Variants in FRMPD4 observed in about 807,000 individuals in gnomAD.
The protein encoded by FRMPD4 is FERM and PDZ domain-containing protein 4.
A neutral mutation model predicts 94.1 loss-of-function variants in FRMPD4; 22 were observed. The observed-to-expected ratio is 0.23, with a 90% CI of 0.17 to 0.33. FRMPD4 has a LOEUF of 0.33. FRMPD4 is among the 10% of genes least tolerant of loss of function. The pLI is 1.00. For missense variants in FRMPD4, 1,111 were observed against 1,339.9 expected (o/e 0.83, Z 2.67); for synonymous variants, 631 against 548.6 (o/e 1.15, Z -2.10).
At chrX:12,695,877 C>G (rs1404653976) in intron 9 of FRMPD4, among the ~76,000 whole-genome samples, 1 of 111,448 alleles carries the variant, frequency 9.0e-6, no homozygotes, top group South Asian at 3.8e-4. Context: ...GCTGGGATTA[C>G]AGGCATGCAC....
At chrX:12,197,993 A>G (rs1188774071) in intron 1 of FRMPD4, among the ~76,000 whole-genome samples, 2 of 112,110 alleles carry the variant, frequency 1.8e-5, no homozygotes, top group African/African-American at 6.5e-5. Flanking sequence ...ATCTAAATCA[A>G]TTACTCAGCA....
At chrX:12,362,703 T>A (rs1271932330) in intron 1 of FRMPD4, among the ~76,000 whole-genome samples, 3 of 111,868 alleles carry the variant, frequency 2.7e-5, no homozygotes, top group Admixed American at 1.9e-4. Flanking sequence ...TGATTTATAA[T>A]CCTTTGGGTA....
At chrX:12,227,824 GGAGAGAGAGA>G (rs750580451) in intron 1 of FRMPD4, among the ~76,000 whole-genome samples, 12 of 94,560 alleles carry the variant, frequency 1.3e-4, no homozygotes, top group East Asian at 3.4e-4. Context: ...AGAAAGAGAG[GGAGAGAGAGA>G]GAGAGAGAGA....
intron 4 of FRMPD4, among the ~76,000 whole-genome samples, chrX:12,643,911 C>G (rs2059522905): frequency 8.9e-6 from 1 of 112,253 alleles, no homozygotes. Flanking sequence ...ACCACCAACA[C>G]TAAATTTTTT....
intron 3 of FRMPD4, among the ~76,000 whole-genome samples, chrX:11,931,118 A>C (rs2054120314): frequency 8.9e-6 from 1 of 111,846 alleles, no homozygotes; most frequent in Non-Finnish European, 1.9e-5. Context: ...AAAGACAGAA[A>C]TTTTGTAATC....
intron 1 of FRMPD4, among the ~76,000 whole-genome samples, chrX:12,362,437 A>G (rs780473074): frequency 1.2e-3 from 131 of 110,580 alleles, no homozygotes; most frequent in African/African-American, 3.9e-3. Flanking sequence ...ATTCCCACCT[A>G]TGAGTGAGAA....
chrX:12,359,633 C>A (rs1268364036), intron 1 of FRMPD4, among the ~76,000 whole-genome samples: 1 of 110,187 alleles, frequency 9.1e-6, no homozygotes, highest in Non-Finnish European at 1.9e-5. Context: ...CCATGCCCAG[C>A]TAATTTTTAT....
intron 4 of FRMPD4, among the ~76,000 whole-genome samples, chrX:12,671,107 G>A (rs2059837496): frequency 8.9e-6 from 1 of 112,002 alleles, no homozygotes; most frequent in South Asian, 3.7e-4. Context: ...AGAGGATGTG[G>A]AGAAATAGGA....
chrX:12,583,791 G>A (rs1191246575), intron 2 of FRMPD4, among the ~76,000 whole-genome samples: 1 of 112,534 alleles, frequency 8.9e-6, no homozygotes, highest in East Asian at 2.8e-4. Context: ...TGTGTCTTTC[G>A]CACCAGAATC....
chrX:11,915,753 A>C (rs978592932), intron 3 of FRMPD4, among the ~76,000 whole-genome samples: 1 of 111,923 alleles, frequency 8.9e-6, no homozygotes, highest in African/African-American at 3.3e-5. Context: ...TCACCTCTGG[A>C]GTCAGACTGA....
At chrX:12,633,501 C>T in intron 4 of FRMPD4, among the ~76,000 whole-genome samples, 1 of 111,555 alleles carries the variant, frequency 9.0e-6, no homozygotes, top group East Asian at 2.8e-4. Context: ...ATGACCTGGG[C>T]GAGGGGGAAA....
chrX:12,480,333 G>GAAAAA (rs35074731), intron 1 of FRMPD4, among the ~76,000 whole-genome samples: 13 of 54,633 alleles, frequency 2.4e-4, no homozygotes, highest in East Asian at 6.7e-4. Flanking sequence ...GAAAAGAAAT[G>GAAAAA]AAAAAAAAAA....
rs1281723877 is a variant in FRMPD4, at chrX:12,723,824, C to T, written c.*1966C>T. 9.0e-6 allele frequency: 1 copy of T among 111,388 alleles called. No individual in the cohort carries two copies. The highest frequency in any genetic ancestry group is 1.9e-5 in the Non-Finnish European group (1 of 53,087). 9.2% of individuals were successfully genotyped at this position (111,388 alleles called of 1,213,427 possible). ...AAACATCTTGATTAAAATTTTGACT[C>T]TGCCATTTTCTAGCCCTTTTATGTT... On this transcript the variant is annotated 3_prime_UTR_variant, in exon 17 of 17. Coordinates refer to ENST00000675598, the MANE Select transcript of FRMPD4 (RefSeq NM_001368397.1).
chrX:12,522,202 G>A (rs983547174), intron 2 of FRMPD4, among the ~76,000 whole-genome samples: 1 of 111,555 alleles, frequency 9.0e-6, no homozygotes, highest in Non-Finnish European at 1.9e-5. Flanking sequence ...GTCCCAGCCA[G>A]TGGCATCTTT....
intron 4 of FRMPD4, among the ~76,000 whole-genome samples, chrX:12,618,993 AAAC>A (rs1489060739): frequency 5.4e-5 from 6 of 111,638 alleles, no homozygotes; most frequent in Non-Finnish European, 7.5e-5. Context: ...TCAAGCTTAT[AAAC>A]AACTTGCTCT....
chrX:12,277,251 C>G (rs1027314875), intron 1 of FRMPD4, among the ~76,000 whole-genome samples: 1 of 111,363 alleles, frequency 9.0e-6, no homozygotes. Flanking sequence ...TCCTTTTACC[C>G]TTAAAAGTTC....
chrX:12,508,546 A>T (rs1238302193), intron 2 of FRMPD4, among the ~76,000 whole-genome samples: 1 of 112,258 alleles, frequency 8.9e-6, no homozygotes, highest in African/African-American at 3.2e-5. Context: ...GTTTAGATGT[A>T]TGTTTGTATC....
At chrX:12,152,334 C>T (rs1439743390) in intron 1 of FRMPD4, among the ~76,000 whole-genome samples, 2 of 111,588 alleles carry the variant, frequency 1.8e-5, no homozygotes, top group African/African-American at 6.5e-5. Flanking sequence ...CAAGGAAACA[C>T]TTTATGCAGT....
At chrX:12,691,606 G>A (rs2060081311) in intron 8 of FRMPD4, among the ~76,000 whole-genome samples, 1 of 112,008 alleles carries the variant, frequency 8.9e-6, no homozygotes, top group Non-Finnish European at 1.9e-5. Flanking sequence ...AAAGGTCAGT[G>A]TCTGGATCTG....
Sources: allele counts gnomAD v4.1 joint callset (sites outside exome capture counted in the v4.1 genomes callset), GRCh38; gene constraint gnomAD v4.1.1; transcripts MANE v1.5; gene names NCBI Gene and HGNC (gene_info 2026-07-23, HGNC 2026-07-21).